MACROD2: variants seen among roughly 807,000 people sequenced by gnomAD.
MACROD2 encodes ADP-ribose glycohydrolase MACROD2.
MACROD2 carries 36 observed loss-of-function variants against 70.4 expected under a neutral mutation model. That is an observed-to-expected ratio of 0.51 (90% CI 0.39 to 0.68). MACROD2 has a LOEUF of 0.68. Among genes scored for constraint, MACROD2 ranks in the 30% least tolerant of loss-of-function variants. The pLI is 0.00. For synonymous variants in MACROD2, 172 were observed against 178.8 expected (o/e 0.96, Z 0.30); for missense variants, 496 against 538.4 (o/e 0.92, Z 0.78).
chr20:15,317,234 G>T (rs1279641569), intron 6 of MACROD2, among the ~76,000 whole-genome samples: 1 of 151,980 alleles, frequency 6.6e-6, no homozygotes, highest in African/African-American at 2.4e-5. Context: ...ATAGAGGATA[G>T]AAAAACATCA....
chr20:15,644,969 G>A (rs1289523918), intron 8 of MACROD2, among the ~76,000 whole-genome samples: 6 of 152,176 alleles, frequency 3.9e-5, no homozygotes, highest in Non-Finnish European at 8.8e-5. Context: ...GATTACAGGC[G>A]TGAGCTACCA....
intron 3 of MACROD2, among the ~76,000 whole-genome samples, chr20:14,437,307 T>G (rs748090778): frequency 1.3e-5 from 2 of 152,044 alleles, no homozygotes; most frequent in African/African-American, 2.4e-5. Flanking sequence ...TAAAAAGGGT[T>G]TCTTGGGCCG....
intron 15 of MACROD2, among the ~76,000 whole-genome samples, chr20:16,022,214 C>G (rs917710543): frequency 1.3e-5 from 2 of 152,018 alleles, no homozygotes; most frequent in African/African-American, 4.8e-5. Context: ...CCATACCCGG[C>G]TAAGTTTTTG....
chr20:15,083,449 C>T (rs1264922407), intron 5 of MACROD2, among the ~76,000 whole-genome samples: 1 of 152,176 alleles, frequency 6.6e-6, no homozygotes, highest in East Asian at 1.9e-4. Flanking sequence ...GTAAATTATA[C>T]TCTTCCTTTA....
Position 14,596,229 on chromosome 20 carries a change from A to G in MACROD2, c.302-88614A>G, listed in dbSNP as rs547489073. ...GCCTCCCGAGTAGCTGGGACTACATACAGGCGCCCGCCACCAAGCCCGGCT... is the reference window on the plus strand; with the variant it reads ...GCCTCCCGAGTAGCTGGGACTACATGCAGGCGCCCGCCACCAAGCCCGGCT... On this transcript the variant is annotated intron_variant, in intron 4 of 17. Coordinates refer to ENST00000684519, the MANE Select transcript of MACROD2 (RefSeq NM_001351661.2). Among the ~76,000 whole-genome samples the G allele has an allele frequency of 3.7e-3, 549 of 148,690 alleles. 5 individuals carry two copies. Among genetic ancestry groups the G allele is most frequent in the African/African-American group, 0.013 (528 of 39,350 alleles).
intron 5 of MACROD2, among the ~76,000 whole-genome samples, chr20:14,789,121 A>G (rs781022825): frequency 1.3e-5 from 2 of 151,874 alleles, no homozygotes; most frequent in Non-Finnish European, 2.9e-5. Flanking sequence ...TATATTAAGG[A>G]TTCTATTTTA....
At chr20:16,030,343 A>T (rs898659183) in intron 15 of MACROD2, among the ~76,000 whole-genome samples, 6 of 152,178 alleles carry the variant, frequency 3.9e-5, no homozygotes, top group Admixed American at 1.3e-4. Flanking sequence ...CTCCAAATGA[A>T]AGGCTTCTAG....
At chr20:14,485,472 C>A (rs375224140) in intron 3 of MACROD2, among the ~76,000 whole-genome samples, 1 of 152,058 alleles carries the variant, frequency 6.6e-6, no homozygotes, top group African/African-American at 2.4e-5. Context: ...GAGGCTGAGG[C>A]GGGCGAATCA....
intron 4 of MACROD2, among the ~76,000 whole-genome samples, chr20:14,622,610 C>A (rs997263489): frequency 1.3e-5 from 2 of 152,136 alleles, no homozygotes; most frequent in African/African-American, 2.4e-5. Flanking sequence ...TTTCTAGGAT[C>A]TGAGGACGAA....
rs1054552040 is a variant in MACROD2, at chr20:14,326,222, G to C, written c.272-167257G>C. The C allele has an allele frequency of 6.2e-7, 1 of 1,613,962 alleles. No homozygotes were observed. The highest frequency in any genetic ancestry group is 1.7e-5 in the Admixed American group (1 of 60,000). On this transcript the variant is annotated intron_variant, in intron 3 of 17. Coordinates refer to ENST00000684519, the MANE Select transcript of MACROD2 (RefSeq NM_001351661.2). The surrounding 1 kb of genome is among the most constrained non-coding windows in gnomAD (Gnocchi z 5.5). ...CTCAAAGCAGTCATAGGTAGAGCAAGTTTCCAAGAGATATGAATGGTATCA... is the reference window on the plus strand; with the variant it reads ...CTCAAAGCAGTCATAGGTAGAGCAACTTTCCAAGAGATATGAATGGTATCA...
chr20:15,447,140 A>G (rs2046579079), intron 7 of MACROD2, among the ~76,000 whole-genome samples: 2 of 151,200 alleles, frequency 1.3e-5, no homozygotes, highest in African/African-American at 4.9e-5. Context: ...TACAGGCCTC[A>G]CTCCCAACTA....
chr20:15,362,192 A>G (rs1374005740), intron 6 of MACROD2, among the ~76,000 whole-genome samples: 1 of 151,852 alleles, frequency 6.6e-6, no homozygotes, highest in Admixed American at 6.6e-5. Context: ...TTATATTTTT[A>G]GTAGAGACGG....
chr20:15,973,933 A>T (rs753170199), intron 13 of MACROD2, among the ~76,000 whole-genome samples: 4 of 152,204 alleles, frequency 2.6e-5, no homozygotes, highest in Admixed American at 2.0e-4. Context: ...GGCAAGATAC[A>T]ATACAAATAA....
At chr20:15,674,546 T>G (rs1158441104) in intron 8 of MACROD2, among the ~76,000 whole-genome samples, 3 of 152,110 alleles carry the variant, frequency 2.0e-5, no homozygotes, top group Admixed American at 2.0e-4. Flanking sequence ...GGTGCCCTTC[T>G]CAGTCCCCAT....
In MACROD2 at chr20:15,438,767, C is replaced by A. The variant is rs934073359; in HGVS notation, c.571+7332C>A. Among the ~76,000 whole-genome samples, 4 of 152,190 alleles carry A rather than the reference C, an allele frequency of 2.6e-5. No individual in the cohort carries two copies. The South Asian group carries it at 8.3e-4, about 32-fold the overall frequency. ...TCACTTCTGCATATCCTTTGCACAC[C>A]CAGTGCCTAGCAAAGCACTGTGTCT... On this transcript the variant is annotated intron_variant, in intron 7 of 17. Coordinates refer to ENST00000684519, the MANE Select transcript of MACROD2 (RefSeq NM_001351661.2).
intron 6 of MACROD2, among the ~76,000 whole-genome samples, chr20:15,309,993 T>A (rs1343635080): frequency 6.6e-6 from 1 of 152,126 alleles, no homozygotes; most frequent in African/African-American, 2.4e-5. Context: ...TTAGGTAGAG[T>A]GTAGAATCAG....
intron 5 of MACROD2, among the ~76,000 whole-genome samples, chr20:14,988,405 C>T (rs993311862): frequency 6.6e-6 from 1 of 151,100 alleles, no homozygotes; most frequent in African/African-American, 2.4e-5. Flanking sequence ...CAAGTCCATC[C>T]CTCCTTGCCC....
At chr20:14,127,648 G>T in intron 3 of MACROD2, 1 of 422,624 alleles carries the variant, frequency 2.4e-6, no homozygotes, top group South Asian at 2.9e-5. Flanking sequence ...ACAGAATGAA[G>T]CAAATACCAT....
At chr20:14,693,187 T>C (rs2151396) in intron 5 of MACROD2, among the ~76,000 whole-genome samples, 2 of 152,134 alleles carry the variant, frequency 1.3e-5, no homozygotes, top group African/African-American at 4.8e-5. Flanking sequence ...TTAACCACAG[T>C]GGGGGTAATC....
Sources: gnomAD v4.1 joint callset for allele counts (sites outside exome capture counted in the v4.1 genomes callset) on GRCh38, gnomAD v4.1.1 for gene constraint, Gnocchi (gnomAD v3.1) non-coding constraint, MANE v1.5 for transcripts, NCBI Gene and HGNC (gene_info 2026-07-23, HGNC 2026-07-21) for gene names.